The following RBP2 variants were observed in gnomAD, a reference collection of about 807,000 sequenced individuals.
The protein encoded by RBP2 is retinol-binding protein 2.
RBP2 carries 17 observed loss-of-function variants against 17.0 expected under a neutral mutation model. The ratio of observed to expected loss-of-function variants is 1.00; its 90% confidence interval spans 0.68 to 1.50. RBP2 has a LOEUF of 1.50. Among genes scored for constraint, RBP2 ranks in the 40% most tolerant of loss-of-function variants. The probability of loss-of-function intolerance (pLI) is 0.00; values close to 1 mark genes in which losing one functional copy is unlikely to be tolerated. For missense variants in RBP2, 158 were observed against 168.2 expected (o/e 0.94, Z 0.33); for synonymous variants, 48 against 57.1 (o/e 0.84, Z 0.72).
At chr3:139,468,266 T>C (rs1933430154) in intron 1 of RBP2, among the ~76,000 whole-genome samples, 1 of 152,204 alleles carries the variant, frequency 6.6e-6, no homozygotes. Flanking sequence ...CCTGACAATT[T>C]CTTTACAAAC....
chr3:139,457,010 G>A (rs922936412), intron 2 of RBP2, among the ~76,000 whole-genome samples: 4 of 152,080 alleles, frequency 2.6e-5, no homozygotes, highest in Non-Finnish European at 4.4e-5. Context: ...TCTTCAATTT[G>A]GGCAAGGACG....
At position 139,459,400 on chromosome 3, in the gene RBP2, A is replaced by ATATATATGTGTGTGTG. The variant is rs111417242; in HGVS notation, c.252+2711_252+2712insCACACACACATATATA. 1.1e-4 allele frequency among the ~76,000 whole-genome samples: 14 copies of ATATATATGTGTGTGTG among 128,560 alleles called. No individual in the cohort carries two copies. The East Asian group carries it at 2.0e-3, about 18-fold the overall frequency. The allele number at this position is 128,560 out of a possible 152,430, so 84.3% of individuals were successfully genotyped here. A position where few individuals can be genotyped will look rare whatever the true frequency, so the allele number is the denominator to read the frequency against. On this transcript the variant is annotated intron_variant, in intron 2 of 3. Transcript: ENST00000232217. ...GTGAAACCCTGTTTCTACTATATAT[A>ATATATATGTGTGTGTG]TGTGTGTGTGTGTGTGTGTGTGTGT...
chr3:139,474,537 G>A (rs1196958585), intron 1 of RBP2, among the ~76,000 whole-genome samples: 1 of 152,174 alleles, frequency 6.6e-6, no homozygotes, highest in Non-Finnish European at 1.5e-5. Context: ...CTTGACTCTG[G>A]CTTATTCAGC....
chr3:139,470,112 A>C (rs572995210), intron 1 of RBP2, among the ~76,000 whole-genome samples: 1 of 152,266 alleles, frequency 6.6e-6, no homozygotes, highest in South Asian at 2.1e-4. Flanking sequence ...TTGAATGTGT[A>C]ACATATCTGA....
At chr3:139,453,769 C>T (rs1010249592) in intron 3 of RBP2, among the ~76,000 whole-genome samples, 5 of 152,196 alleles carry the variant, frequency 3.3e-5, no homozygotes, top group African/African-American at 9.6e-5. Context: ...GGAAGGACCA[C>T]CACAATCATT....
intron 1 of RBP2, among the ~76,000 whole-genome samples, chr3:139,475,284 A>C (rs1369755950): frequency 6.9e-6 from 1 of 144,096 alleles, no homozygotes; most frequent in Non-Finnish European, 1.5e-5. Flanking sequence ...GCGCCACTGC[A>C]CTCCAGCCTG....
Position 139,462,271 on chromosome 3 carries a change from G to A in RBP2, c.93C>T (p.Arg31=), listed in dbSNP as rs772051415. The A allele has an allele frequency of 6.2e-6, 10 of 1,613,990 alleles. No homozygotes were observed. Among genetic ancestry groups the A allele is most frequent in the African/African-American group, 1.3e-5 (1 of 74,900 alleles). The change falls in exon 2 of 4, where the codon CGC becomes CGT. Residue 31 remains arginine, a synonymous_variant. Transcript: ENST00000232217. ...MKALDIDFAT[R]KIAVRLTQTK... is the part of the protein sequence containing the mutation. ...TCTGAGTGAGACGTACTGCAATCTT[G>A]CGGGTGGCAAAATCAATATCTGTTG... is the stretch of plus-strand genomic sequence containing the variant.
At position 139,476,288 on chromosome 3, in the gene RBP2, G is replaced by T. The variant is rs1933736313; in HGVS notation, c.73+99C>A. ...AGCTGTACATGAGGCATGAGGATTT[G>T]CCACAGGTCTGTTGAACTCCATAGC... On this transcript the variant is annotated intron_variant, in intron 1 of 3. Transcript: ENST00000232217. 2.1e-5 allele frequency: 19 copies of T among 918,316 alleles called. No individual in the cohort carries two copies. The South Asian group carries it at 2.6e-4, about 13-fold the overall frequency. The allele number at this position is 918,316 out of a possible 1,614,324, so 56.9% of individuals were successfully genotyped here.
chr3:139,459,398 A>ATG (rs201355065), intron 2 of RBP2, among the ~76,000 whole-genome samples: 30 of 36,192 alleles, frequency 8.3e-4, no homozygotes, highest in Admixed American at 6.2e-3. Context: ...TCTACTATAT[A>ATG]TATGTGTGTG....
At chr3:139,453,752 G>C (rs1052386721) in intron 3 of RBP2, among the ~76,000 whole-genome samples, 1 of 152,244 alleles carries the variant, frequency 6.6e-6, no homozygotes, top group African/African-American at 2.4e-5. Flanking sequence ...GGAAAAACAT[G>C]AGTGTGGGAA....
At chr3:139,455,832 T>G (rs1018478190) in intron 2 of RBP2, among the ~76,000 whole-genome samples, 12 of 152,196 alleles carry the variant, frequency 7.9e-5, no homozygotes, top group Non-Finnish European at 1.6e-4. Flanking sequence ...GAACATGTGC[T>G]GAACAGCCAG....
chr3:139,471,745 C>CA (rs1933576936), intron 1 of RBP2, among the ~76,000 whole-genome samples: 2 of 152,174 alleles, frequency 1.3e-5, no homozygotes, highest in South Asian at 4.2e-4. Context: ...GTCACCAAAT[C>CA]CAGTCTATTT....
At chr3:139,476,328 G>T in intron 1 of RBP2, 59 bp downstream of exon 1, 2 of 1,443,728 alleles carry the variant, frequency 1.4e-6, no homozygotes, top group South Asian at 1.2e-5. Context: ...CTGTCTGGAG[G>T]GCCAGACCAC....
At chr3:139,461,120 G>C (rs567395945) in intron 2 of RBP2, among the ~76,000 whole-genome samples, 1 of 152,160 alleles carries the variant, frequency 6.6e-6, no homozygotes, top group Non-Finnish European at 1.5e-5. Flanking sequence ...ATCAAAAACA[G>C]GCACACTGAG....
At chr3:139,455,363 A>G (rs1382023754) in intron 2 of RBP2, among the ~76,000 whole-genome samples, 1 of 152,214 alleles carries the variant, frequency 6.6e-6, no homozygotes, top group East Asian at 1.9e-4. Flanking sequence ...AAACATAAGA[A>G]AAGACATTCA....
chr3:139,469,659 A>ATCTG (rs754402729), intron 1 of RBP2, among the ~76,000 whole-genome samples: 70 of 129,688 alleles, frequency 5.4e-4, no homozygotes, highest in Admixed American at 1.1e-3. Flanking sequence ...AGCATCAGAC[A>ATCTG]TCTATCTGTC....
chr3:139,468,917 A>G (rs932630372), intron 1 of RBP2, among the ~76,000 whole-genome samples: 1 of 152,186 alleles, frequency 6.6e-6, no homozygotes. Flanking sequence ...CAGAAGGAAA[A>G]AAAACAACAC....
At chr3:139,461,167 G>A (rs575805906) in intron 2 of RBP2, among the ~76,000 whole-genome samples, 2 of 152,166 alleles carry the variant, frequency 1.3e-5, no homozygotes, top group Non-Finnish European at 2.9e-5. Flanking sequence ...ACTGGGTTGG[G>A]ATACCACACG....
intron 1 of RBP2, among the ~76,000 whole-genome samples, chr3:139,473,448 T>C (rs1359289967): frequency 6.6e-6 from 1 of 152,104 alleles, no homozygotes; most frequent in East Asian, 1.9e-4. Flanking sequence ...AAAAGCAAAC[T>C]CTCTAGTGCT....
Sources: allele counts gnomAD v4.1 joint callset (sites outside exome capture counted in the v4.1 genomes callset), GRCh38; gene constraint gnomAD v4.1.1; transcripts MANE v1.5; gene names NCBI Gene and HGNC (gene_info 2026-07-23, HGNC 2026-07-21).